NEBL: variants seen among roughly 807,000 people sequenced by gnomAD.
NEBL encodes the protein nebulette, also known as LIM and SH3 protein 2.
A neutral mutation model predicts 140.2 loss-of-function variants in NEBL; 122 were observed. The ratio of observed to expected loss-of-function variants is 0.87; its 90% CI spans 0.75 to 1.01. The LOEUF (loss-of-function observed/expected upper bound fraction) is 1.01, where lower values mean the gene tolerates loss of function less well. NEBL is among the 50% of genes least tolerant of loss of function. The probability of loss-of-function intolerance (pLI) is 0.00; values close to 1 mark genes in which losing one functional copy is unlikely to be tolerated. For synonymous variants in NEBL, 436 were observed against 398.9 expected, an observed-to-expected ratio of 1.09 and a Z score of -1.11; for missense variants, 1,365 against 1,231.3, an observed-to-expected ratio of 1.11 and a Z score of -1.62.
At chr10:21,134,910 C>A (rs1453426030) in intron 2 of NEBL, among the ~76,000 whole-genome samples, 1 of 152,214 alleles carries the variant, frequency 6.6e-6, no homozygotes, top group African/African-American at 2.4e-5. Context: ...GAATTCCTCT[C>A]AAAATCCGTT....
intron 2 of NEBL, among the ~76,000 whole-genome samples, chr10:21,041,121 G>A (rs184506041): frequency 6.6e-6 from 1 of 152,296 alleles, no homozygotes; most frequent in Non-Finnish European, 1.5e-5. Context: ...TAGACTGTAT[G>A]TCATGGGGGT....
rs1837956519 is a variant in NEBL, at chr10:20,809,839, T to A, written c.2578A>T (p.Asn860Tyr). 1 of 1,613,492 alleles carries A rather than the reference T, an allele frequency of 6.2e-7. No homozygotes were observed. Among genetic ancestry groups the A allele is most frequent in the Admixed American group, 1.7e-5 (1 of 59,984 alleles). ...SIFDLDPLED[N>Y]IQSRSLHMLS... ...ATATGGAGACTTCTAGACTGAATATTGTCTTCCAGGGGATCAAGGTCGAAG... is the reference window on the plus strand; with the variant it reads ...ATATGGAGACTTCTAGACTGAATATAGTCTTCCAGGGGATCAAGGTCGAAG... Residue 860 changes from asparagine (N) to tyrosine (Y), a missense_variant, in exon 25 of 28, where the codon AAT becomes TAT. Asn to Tyr is a moderately radical substitution (Grantham distance 143). Around this residue, in one of 2 missense-constraint regions of NEBL, gnomAD observed 1,323 missense variants for 1,154.8 expected, o/e 1.15. Coordinates refer to ENST00000377122, the MANE Select transcript of NEBL (RefSeq NM_006393.3).
At chr10:20,836,849 G>A (rs1203593844) in intron 13 of NEBL, among the ~76,000 whole-genome samples, 8 of 151,700 alleles carry the variant, frequency 5.3e-5, no homozygotes, top group Non-Finnish European at 1.2e-4. Flanking sequence ...CATGGGACAA[G>A]GACCCTGTCT....
chr10:20,958,115 C>G (rs1835889227), intron 4 of NEBL, among the ~76,000 whole-genome samples: 1 of 152,178 alleles, frequency 6.6e-6, no homozygotes, highest in Admixed American at 6.5e-5. Flanking sequence ...TTAGAAAGAG[C>G]CTTTACAGTT....
At chr10:21,201,585 A>T (rs1303044910) in intron 3 of NEBL, among the ~76,000 whole-genome samples, 2 of 152,222 alleles carry the variant, frequency 1.3e-5, no homozygotes, top group African/African-American at 4.8e-5. Context: ...TGTATTTTTT[A>T]AAAAGATAAA....
intron 1 of NEBL, among the ~76,000 whole-genome samples, chr10:21,269,923 C>G (rs1842842082): frequency 6.6e-6 from 1 of 152,138 alleles, no homozygotes; most frequent in Non-Finnish European, 1.5e-5. Context: ...GAAAATGGGT[C>G]AATGTACGGA....
chr10:20,978,146 C>A (rs998110908), intron 3 of NEBL, among the ~76,000 whole-genome samples: 3 of 152,062 alleles, frequency 2.0e-5, no homozygotes, highest in South Asian at 2.1e-4. Flanking sequence ...TAGGCAATTC[C>A]CCAGCTAAAA....
intron 3 of NEBL, among the ~76,000 whole-genome samples, chr10:21,207,422 C>G (rs1841844684): frequency 6.6e-6 from 1 of 152,074 alleles, no homozygotes; most frequent in South Asian, 2.1e-4. Context: ...AATATTTCTG[C>G]CCAGAATTCT....
At chr10:20,982,681 C>T (rs569752792) in intron 3 of NEBL, among the ~76,000 whole-genome samples, 2 of 152,322 alleles carry the variant, frequency 1.3e-5, no homozygotes, top group African/African-American at 4.8e-5. Context: ...CTTTTAATCA[C>T]TTAGCATACC....
Position 20,925,191 on chromosome 10 carries a change from C to T in NEBL, c.357+36481G>A, listed in dbSNP as rs140051010. On this transcript the variant is annotated intron_variant, in intron 4 of 6. Transcript: ENST00000417816. ...CTCTCTGCACATACTCAAACATATA[C>T]ATGCATATATGCATGTATCATCTTT... 7.9e-3 allele frequency among the ~76,000 whole-genome samples: 1,203 copies of T among 152,208 alleles called. 17 individuals carry two copies. Among genetic ancestry groups the T allele is most frequent in the African/African-American group, 0.027 (1,106 of 41,532 alleles).
At chr10:20,855,471 CG>C (rs2131102602) in intron 9 of NEBL, among the ~76,000 whole-genome samples, 2 of 149,226 alleles carry the variant, frequency 1.3e-5, no homozygotes, top group East Asian at 2.0e-4. Context: ...ACACAATTAT[CG>C]ATTTTAGTTA....
intron 3 of NEBL, among the ~76,000 whole-genome samples, chr10:21,243,952 G>GGAA (rs1842478616): frequency 6.6e-6 from 1 of 151,476 alleles, no homozygotes; most frequent in African/African-American, 2.4e-5. Context: ...AAGGGGAAGG[G>GGAA]GAAGAGGACG....
intron 2 of NEBL, among the ~76,000 whole-genome samples, chr10:21,094,967 G>A (rs1837114186): frequency 6.6e-6 from 1 of 152,188 alleles, no homozygotes; most frequent in African/African-American, 2.4e-5. Context: ...ATTAGGTGAA[G>A]GGATCCAAAG....
At chr10:20,840,999 C>T (rs912997491) in intron 12 of NEBL, 150 bp from the exon 13 acceptor site, 12 of 629,914 alleles carry the variant, frequency 1.9e-5, no homozygotes, top group Non-Finnish European at 3.1e-5. Flanking sequence ...TTTTTTCCTA[C>T]AGACACTTCA....
intron 4 of NEBL, among the ~76,000 whole-genome samples, chr10:20,941,826 G>A (rs377088871): frequency 2.6e-5 from 4 of 151,640 alleles, no homozygotes; most frequent in Admixed American, 2.6e-4. Flanking sequence ...CATGAGTGAA[G>A]TCCCATTCAC....
At chr10:20,884,604 C>T (rs573558229) in intron 4 of NEBL, among the ~76,000 whole-genome samples, 25 of 152,286 alleles carry the variant, frequency 1.6e-4, no homozygotes, top group Admixed American at 6.5e-4. Flanking sequence ...GCTACAAAGA[C>T]GATCAGAATA....
chr10:21,089,705 C>A (rs1836819540), intron 2 of NEBL, among the ~76,000 whole-genome samples: 1 of 152,136 alleles, frequency 6.6e-6, no homozygotes, highest in Non-Finnish European at 1.5e-5. Context: ...GCAGAGGCAT[C>A]CTTCACTCAC....
intron 4 of NEBL, among the ~76,000 whole-genome samples, chr10:20,947,002 ACAAAGGTCCC>A (rs1835198800): frequency 6.6e-6 from 1 of 152,196 alleles, no homozygotes; most frequent in Non-Finnish European, 1.5e-5. Flanking sequence ...AGTGAGACAT[ACAAAGGTCCC>A]CTAAAAAATA....
chr10:21,186,257 A>AACACACACACACACACACAC (rs765894739), intron 3 of NEBL, among the ~76,000 whole-genome samples: 18 of 124,820 alleles, frequency 1.4e-4, no homozygotes, highest in African/African-American at 3.9e-4. Context: ...TATATATACA[A>AACACACACACACACACACAC]ACACACACAC....
Sources: allele counts gnomAD v4.1 joint callset (sites outside exome capture counted in the v4.1 genomes callset), GRCh38; gene constraint gnomAD v4.1.1; regional missense constraint gnomAD v4.1.1; transcripts MANE v1.5; gene names NCBI Gene and HGNC (gene_info 2026-07-23, HGNC 2026-07-21).